TRAPPC9: variants seen among roughly 807,000 people sequenced by gnomAD.
The protein encoded by TRAPPC9 is trafficking protein particle complex subunit 9.
In TRAPPC9, 83 loss-of-function variants were observed where a neutral mutation model predicts 124.0. That is an observed-to-expected ratio of 0.67 (90% confidence interval 0.56 to 0.80). The LOEUF (loss-of-function observed/expected upper bound fraction) is 0.80, where lower values mean the gene tolerates loss of function less well. TRAPPC9 is among the 30% of genes least tolerant of loss of function. The pLI is 0.00. For missense variants in TRAPPC9, 1,302 were observed against 1,508.3 expected, an observed-to-expected ratio of 0.86 and a Z score of 2.27; for synonymous variants, 638 against 617.5, an observed-to-expected ratio of 1.03 and a Z score of -0.49.
intron 12 of TRAPPC9, among the ~76,000 whole-genome samples, chr8:140,288,270 G>A (rs553171528): frequency 2.9e-4 from 44 of 152,322 alleles, no homozygotes; most frequent in African/African-American, 8.7e-4. Flanking sequence ...CCGAGCCCAG[G>A]AGGCTGAGGC....
intron 17 of TRAPPC9, among the ~76,000 whole-genome samples, chr8:140,207,780 T>C (rs540108383): frequency 3.4e-4 from 52 of 152,350 alleles, no homozygotes; most frequent in African/African-American, 1.0e-3. Flanking sequence ...GGCAGCTTTA[T>C]ACATTTGCTA....
chr8:139,926,077 C>T (rs141903770), intron 19 of TRAPPC9, among the ~76,000 whole-genome samples: 43 of 152,342 alleles, frequency 2.8e-4, no homozygotes, highest in African/African-American at 9.6e-4. Context: ...CCTGAAATTG[C>T]CCAGAAGGCA....
rs966119423 is a variant in TRAPPC9 at position 139,958,928 on chromosome 8, C to T, written c.2810+29798G>A. On this transcript the variant is annotated intron_variant, in intron 19 of 22. Transcript: ENST00000438773. ...GGGGAGCACTGCATTCCGAGTCACA[C>T]GGGGGAGCACTGCATTCCGAGTCAC... 2.6e-4 allele frequency among the ~76,000 whole-genome samples: 31 copies of T among 117,052 alleles called. 1 individual carries two copies. Among genetic ancestry groups the T allele is most frequent in the South Asian group, 3.1e-4 (1 of 3,256 alleles). The allele number at this position is 117,052 out of a possible 152,430, so 76.8% of individuals were successfully genotyped here. A position where few individuals can be genotyped will look rare whatever the true frequency, so the allele number is the denominator to read the frequency against.
At chr8:140,356,633 T>G (rs2067758631) in intron 9 of TRAPPC9, among the ~76,000 whole-genome samples, 1 of 152,034 alleles carries the variant, frequency 6.6e-6, no homozygotes, top group South Asian at 2.1e-4. Context: ...TTTTTTTTTT[T>G]TTGAGCTGGA....
intron 5 of TRAPPC9, among the ~76,000 whole-genome samples, chr8:140,416,195 T>G (rs2069922189): frequency 6.6e-6 from 1 of 152,158 alleles, no homozygotes; most frequent in Non-Finnish European, 1.5e-5. Flanking sequence ...AATCAGAGCT[T>G]AAAGAATAGA....
chr8:140,065,776 T>A (rs1180561047), intron 17 of TRAPPC9, among the ~76,000 whole-genome samples: 1 of 152,254 alleles, frequency 6.6e-6, no homozygotes, highest in East Asian at 1.9e-4. Context: ...CCACGTCACG[T>A]AAGACAGCTG....
chr8:140,248,039 T>C (rs911349872), intron 16 of TRAPPC9, among the ~76,000 whole-genome samples: 1 of 152,208 alleles, frequency 6.6e-6, no homozygotes. Flanking sequence ...TTCACTAGAA[T>C]CACTCTGCAT....
At chr8:139,940,220 T>C (rs2131438434) in intron 19 of TRAPPC9, among the ~76,000 whole-genome samples, 1 of 152,340 alleles carries the variant, frequency 6.6e-6, no homozygotes, top group South Asian at 2.1e-4. Context: ...TCTCTCTTAC[T>C]TCTGAACAGT....
At chr8:140,423,845 AG>A (rs1469844042) in intron 5 of TRAPPC9, among the ~76,000 whole-genome samples, 1 of 152,220 alleles carries the variant, frequency 6.6e-6, no homozygotes. Context: ...TGAAACATAC[AG>A]TAAGTGAAAG....
chr8:140,095,081 C>G (rs994528732), intron 17 of TRAPPC9: 1 of 152,248 alleles, frequency 6.6e-6, no homozygotes, highest in Admixed American at 6.5e-5. Flanking sequence ...TCTCTTCTTT[C>G]CAAACTCCAA....
intron 21 of TRAPPC9, among the ~76,000 whole-genome samples, chr8:139,823,440 G>C (rs1051537524): frequency 6.6e-6 from 1 of 152,172 alleles, no homozygotes; most frequent in African/African-American, 2.4e-5. Flanking sequence ...GGTGTGGGTG[G>C]TTGAGGAGCC....
At chr8:140,077,379 A>C (rs74709985) in intron 17 of TRAPPC9, among the ~76,000 whole-genome samples, 8,175 of 152,272 alleles carry the variant, frequency 0.054, 269 homozygotes, top group East Asian at 0.078. Flanking sequence ...CATGTAGCTT[A>C]GTGGAAAAGA....
At chr8:140,369,558 C>G (rs2068219216) in intron 8 of TRAPPC9, among the ~76,000 whole-genome samples, 1 of 152,158 alleles carries the variant, frequency 6.6e-6, no homozygotes, top group Non-Finnish European at 1.5e-5. Flanking sequence ...CCCTAACTAT[C>G]AGAATTATCC....
chr8:140,265,950 C>A (rs1380180632), intron 15 of TRAPPC9, among the ~76,000 whole-genome samples: 2 of 152,072 alleles, frequency 1.3e-5, no homozygotes, highest in East Asian at 3.8e-4. Context: ...AAATATTAAA[C>A]AGAAGAATGA....
chr8:140,092,076 CAA>C (rs531147407), intron 17 of TRAPPC9, among the ~76,000 whole-genome samples: 3 of 78,118 alleles, frequency 3.8e-5, no homozygotes, highest in Non-Finnish European at 5.3e-5. Flanking sequence ...CCAAGCACTC[CAA>C]AAAAAAAAAA....
At chr8:140,058,041 C>A (rs933593522) in intron 17 of TRAPPC9, among the ~76,000 whole-genome samples, 11 of 152,170 alleles carry the variant, frequency 7.2e-5, no homozygotes, top group African/African-American at 2.7e-4. Flanking sequence ...GCATTGCATA[C>A]AGAAGTGCTC....
intron 21 of TRAPPC9, among the ~76,000 whole-genome samples, chr8:139,884,120 C>A (rs1349915770): frequency 1.3e-5 from 2 of 152,140 alleles, no homozygotes; most frequent in Admixed American, 1.3e-4. Flanking sequence ...GTGTCTGGCA[C>A]ACCATAAATC....
chr8:140,188,961 T>TC (rs1317209822), intron 17 of TRAPPC9, among the ~76,000 whole-genome samples: 2 of 150,142 alleles, frequency 1.3e-5, no homozygotes, highest in African/African-American at 4.8e-5. Context: ...AAACCAGCCC[T>TC]CCTCCCGTTG....
At chr8:140,302,280 G>C (rs2066001400) in intron 10 of TRAPPC9, among the ~76,000 whole-genome samples, 1 of 152,096 alleles carries the variant, frequency 6.6e-6, no homozygotes, top group Non-Finnish European at 1.5e-5. Flanking sequence ...TCCAGACCAA[G>C]GGCACACCCA....
Sources: allele counts gnomAD v4.1 joint callset (sites outside exome capture counted in the v4.1 genomes callset), GRCh38; gene constraint gnomAD v4.1.1; transcripts MANE v1.5; gene names NCBI Gene and HGNC (gene_info 2026-07-23, HGNC 2026-07-21).